The following CADM2 variants were observed in gnomAD, a reference collection of about 807,000 sequenced individuals.
CADM2 encodes cell adhesion molecule 2.
CADM2 carries 12 observed loss-of-function variants against 49.8 expected under a neutral mutation model. The ratio of observed to expected loss-of-function variants is 0.24; its 90% CI spans 0.15 to 0.39. The LOEUF is 0.39. Ranked by LOEUF, CADM2 falls within the 10% of genes least tolerant of loss-of-function variation. CADM2 has a pLI of 1.00. For synonymous variants in CADM2, 214 were observed against 175.4 expected (o/e 1.22, Z -1.74); for missense variants, 378 against 492.3 (o/e 0.77, Z 2.20).
At chr3:85,674,806 C>G (rs138019705) in intron 1 of CADM2, among the ~76,000 whole-genome samples, 337 of 152,222 alleles carry the variant, frequency 2.2e-3, no homozygotes, top group African/African-American at 7.1e-3. Context: ...TGGTGAAAAG[C>G]AGCTCTACTT....
chr3:85,845,578 G>A (rs974186116), intron 3 of CADM2, among the ~76,000 whole-genome samples: 1 of 152,090 alleles, frequency 6.6e-6, no homozygotes, highest in Admixed American at 6.5e-5. Flanking sequence ...GGCAACCAAA[G>A]TTTTTAGGTC....
intron 1 of CADM2, among the ~76,000 whole-genome samples, chr3:85,223,161 G>A (rs543776647): frequency 6.6e-6 from 1 of 152,234 alleles, no homozygotes; most frequent in South Asian, 2.1e-4. Flanking sequence ...TTACTGGTAA[G>A]TCAGAGATCA....
chr3:85,798,041 T>C (rs2071733727), intron 2 of CADM2, among the ~76,000 whole-genome samples: 2 of 152,238 alleles, frequency 1.3e-5, no homozygotes, highest in African/African-American at 4.8e-5. Context: ...CATATGTTTA[T>C]TGGATGCATA....
intron 1 of CADM2, among the ~76,000 whole-genome samples, chr3:85,251,834 A>G (rs17022614): frequency 0.066 from 10,086 of 152,084 alleles, 1,107 homozygotes; most frequent in African/African-American, 0.23. Context: ...AAGCACTCAA[A>G]GTCTAAAATA....
At chr3:85,129,161 A>G (rs1041576515) in intron 1 of CADM2, among the ~76,000 whole-genome samples, 1 of 152,180 alleles carries the variant, frequency 6.6e-6, no homozygotes, top group African/African-American at 2.4e-5. Flanking sequence ...AGGAAGATTA[A>G]GTTAAAGTAG....
chr3:85,862,320 TTAA>T (rs1177318190), intron 3 of CADM2, among the ~76,000 whole-genome samples: 1 of 152,168 alleles, frequency 6.6e-6, no homozygotes, highest in Non-Finnish European at 1.5e-5. Context: ...TTATAATAAC[TTAA>T]TAAGAGGAGT....
intron 1 of CADM2, among the ~76,000 whole-genome samples, chr3:84,977,736 A>G (rs2031915646): frequency 6.6e-6 from 1 of 152,096 alleles, no homozygotes; most frequent in Non-Finnish European, 1.5e-5. Context: ...CCACAACAGA[A>G]TAGTTCTTAA....
intron 1 of CADM2, among the ~76,000 whole-genome samples, chr3:85,610,676 CTA>C (rs1485739481): frequency 5.3e-5 from 8 of 151,920 alleles, no homozygotes; most frequent in African/African-American, 1.9e-4. Flanking sequence ...ACTGTACTGA[CTA>C]TGCTCTTAAC....
intron 1 of CADM2, among the ~76,000 whole-genome samples, chr3:85,277,317 G>A (rs1365235677): frequency 6.6e-6 from 1 of 151,322 alleles, no homozygotes; most frequent in Non-Finnish European, 1.5e-5. Flanking sequence ...TGAACAAACA[G>A]TGAAGCAGGG....
At chr3:85,580,480 G>T (rs1268898806) in intron 1 of CADM2, among the ~76,000 whole-genome samples, 1 of 152,112 alleles carries the variant, frequency 6.6e-6, no homozygotes, top group East Asian at 1.9e-4. Flanking sequence ...TAACCCAACG[G>T]TATTGGAATG....
intron 1 of CADM2, among the ~76,000 whole-genome samples, chr3:85,433,907 C>T (rs1305515333): frequency 6.6e-6 from 1 of 152,038 alleles, no homozygotes; most frequent in African/African-American, 2.4e-5. Context: ...TTTGTTCTCC[C>T]GCTGGTGTCA....
At chr3:85,136,708 A>C (rs368087874) in intron 1 of CADM2, among the ~76,000 whole-genome samples, 1 of 151,992 alleles carries the variant, frequency 6.6e-6, no homozygotes, top group Non-Finnish European at 1.5e-5. Flanking sequence ...AAGAACTTCA[A>C]GAAAATAAGT....
chr3:85,265,485 A>ATG (rs773301295), intron 1 of CADM2, among the ~76,000 whole-genome samples: 1 of 151,996 alleles, frequency 6.6e-6, no homozygotes, highest in Non-Finnish European at 1.5e-5. Flanking sequence ...ACAAGAGAGC[A>ATG]TGAGAGAGAG....
chr3:85,463,847 A>G (rs902774585), intron 1 of CADM2, among the ~76,000 whole-genome samples: 4 of 152,164 alleles, frequency 2.6e-5, no homozygotes, highest in African/African-American at 9.7e-5. Flanking sequence ...CTGACAAAGG[A>G]CATAGCAAGT....
chr3:85,157,453 G>C (rs148348644), intron 1 of CADM2, among the ~76,000 whole-genome samples: 10,741 of 152,016 alleles, frequency 0.071, 1,266 homozygotes, highest in African/African-American at 0.24. Flanking sequence ...TACCAGCCTA[G>C]AGTACCCAAA....
At chr3:85,840,581 A>T (rs2074599396) in intron 3 of CADM2, among the ~76,000 whole-genome samples, 1 of 151,926 alleles carries the variant, frequency 6.6e-6, no homozygotes, top group Non-Finnish European at 1.5e-5. Context: ...AAATAAGCTG[A>T]TTCACACTCC....
At chr3:85,281,336 G>A (rs2043494408) in intron 1 of CADM2, among the ~76,000 whole-genome samples, 1 of 151,798 alleles carries the variant, frequency 6.6e-6, no homozygotes, top group Admixed American at 6.6e-5. Context: ...ATATCCTAAT[G>A]TATATGTTAT....
chr3:86,023,837 T>A (rs972077920), intron 8 of CADM2, among the ~76,000 whole-genome samples: 1 of 152,190 alleles, frequency 6.6e-6, no homozygotes, highest in Non-Finnish European at 1.5e-5. Context: ...TCAGCCCCAA[T>A]CTTCACTTCA....
At chr3:85,388,279 A>G (rs555305642) in intron 1 of CADM2, among the ~76,000 whole-genome samples, 1 of 152,274 alleles carries the variant, frequency 6.6e-6, no homozygotes, top group East Asian at 1.9e-4. Flanking sequence ...TTGATGATGG[A>G]GGAAAGAAGA....
Sources: gnomAD v4.1 joint callset for allele counts (sites outside exome capture counted in the v4.1 genomes callset) on GRCh38, gnomAD v4.1.1 for gene constraint, MANE v1.5 for transcripts, NCBI Gene and HGNC (gene_info 2026-07-23, HGNC 2026-07-21) for gene names.